Variants in ASB8 observed in about 807,000 individuals in gnomAD.
The protein encoded by ASB8 is ankyrin repeat and SOCS box protein 8.
Under a neutral mutation model 22.9 loss-of-function variants are expected in ASB8, and 15 were observed. That is an observed-to-expected ratio of 0.66 (90% CI 0.44 to 1.01). The LOEUF is 1.01. ASB8 is among the 50% of genes least tolerant of loss of function. ASB8 has a pLI of 0.00. For missense variants in ASB8, 294 were observed against 356.9 expected, an observed-to-expected ratio of 0.82 and a Z score of 1.42; for synonymous variants, 124 against 140.8, an observed-to-expected ratio of 0.88 and a Z score of 0.84.
intron 2 of ASB8, 186 bp downstream of exon 2, chr12:48,153,182 T>C: frequency 1.6e-6 from 1 of 629,838 alleles, no homozygotes; most frequent in Non-Finnish European, 2.7e-6. Flanking sequence ...ATACACAAAG[T>C]GAAAGGGAGA....
intron 1 of ASB8, chr12:48,157,090 C>G (rs1951318554): frequency 6.6e-6 from 1 of 152,160 alleles, no homozygotes; most frequent in Non-Finnish European, 1.5e-5. Context: ...GAACCTTGGC[C>G]GAGCCTGCAG....
At chr12:48,153,830 G>A (rs1285910145) in intron 1 of ASB8, 5 of 194,720 alleles carry the variant, frequency 2.6e-5, no homozygotes, top group Non-Finnish European at 5.3e-5. Context: ...AAAGGCTGAA[G>A]AGGTCAAAAA....
intron 2 of ASB8, among the ~76,000 whole-genome samples, chr12:48,152,256 G>A (rs949119801): frequency 2.0e-5 from 3 of 152,162 alleles, no homozygotes; most frequent in East Asian, 1.9e-4. Context: ...TTTCTACCGC[G>A]GAGTCTCCTG....
Position 48,149,258 on chromosome 12 carries a change from T to C in ASB8, c.*108A>G. 2 of 1,251,740 alleles carry C rather than the reference T, an allele frequency of 1.6e-6. No homozygotes were observed. Among genetic ancestry groups the C allele is most frequent in the Non-Finnish European group, 2.2e-6 (2 of 912,456 alleles). The allele number at this position is 1,251,740 out of a possible 1,614,324, so 77.5% of individuals were successfully genotyped here. A position where few individuals can be genotyped will look rare whatever the true frequency, so the allele number is the denominator to read the frequency against. On this transcript the variant is annotated 3_prime_UTR_variant, in exon 4 of 4. Coordinates refer to ENST00000317697, the MANE Select transcript of ASB8 (RefSeq NM_024095.5). ...TTGTGACATGTTGCTTCGAAATCTATAAACCACACAACAGGAACAACTGTT... is the reference window on the plus strand; with the variant it reads ...TTGTGACATGTTGCTTCGAAATCTACAAACCACACAACAGGAACAACTGTT...
intron 2 of ASB8, chr12:48,151,804 CCT>C: frequency 2.4e-6 from 1 of 411,928 alleles, no homozygotes; most frequent in South Asian, 1.9e-5. Flanking sequence ...TTCAAAGTAG[CCT>C]CTTAGTATCA....
At chr12:48,157,438 C>T (rs1378417850) in intron 1 of ASB8, 21 bp downstream of exon 1, 4 of 152,254 alleles carry the variant, frequency 2.6e-5, no homozygotes, top group African/African-American at 9.7e-5. Context: ...GCTGTAGACC[C>T]ACTCCAAGGA....
chr12:48,153,667 T>A, intron 1 of ASB8, 138 bp from the exon 2 acceptor site: 1 of 632,608 alleles, frequency 1.6e-6, no homozygotes, highest in East Asian at 3.3e-5. Flanking sequence ...TCATAAGGAA[T>A]TGGATTATAA....
In ASB8 at chr12:48,148,923, C is replaced by T. The variant is rs1209587828; in HGVS notation, c.*443G>A. 5.9e-6 allele frequency: 1 copy of T among 169,426 alleles called. No homozygotes were observed. The highest frequency in any genetic ancestry group is 1.7e-4 in the East Asian group (1 of 5,954). 10.5% of individuals were successfully genotyped at this position (169,426 alleles called of 1,614,324 possible). On this transcript the variant is annotated 3_prime_UTR_variant, in exon 4 of 4. Coordinates refer to ENST00000317697, the MANE Select transcript of ASB8 (RefSeq NM_024095.5). ...AGGTGATCCACCTGCCTCAGCCTCC[C>T]AAAGTCCTGGGATTACAGACGTGAG...
chr12:48,155,740 A>T (rs199990401), intron 1 of ASB8, among the ~76,000 whole-genome samples: 24,944 of 109,022 alleles, frequency 0.23, 3,394 homozygotes, highest in African/African-American at 0.4. Context: ...AAAAAAAAAA[A>T]AAATATATAT....
intron 2 of ASB8, 58 bp downstream of exon 2, chr12:48,153,310 T>C (rs1436757466): frequency 8.8e-6 from 14 of 1,586,950 alleles, no homozygotes; most frequent in Non-Finnish European, 1.7e-6. Context: ...CTGTGATCCA[T>C]GAGGATTTTG....
Position 48,149,864 on chromosome 12 carries a change from G to A in ASB8, c.369C>T (p.His123=), listed in dbSNP as rs762140133. ...ALDGNRDTPL[H]WAAFKNNAEC... ...CAGCATTGTTCTTAAAGGCTGCCCA[G>A]TGAAGTGGGGTATCTCTGTTGCCAT... Residue 123 remains histidine (H), a synonymous_variant, in exon 4 of 4, where the codon CAC becomes CAT. Transcript: ENST00000317697. 1.9e-6 allele frequency: 3 copies of A among 1,614,222 alleles called. No homozygotes were observed. The highest frequency in any genetic ancestry group is 2.2e-5 in the South Asian group (2 of 91,080).
intron 2 of ASB8, among the ~76,000 whole-genome samples, chr12:48,152,020 C>T (rs1438257769): frequency 6.6e-6 from 1 of 152,044 alleles, no homozygotes; most frequent in Non-Finnish European, 1.5e-5. Context: ...GGTGTGGTGG[C>T]GGGCATCTGT....
At chr12:48,154,948 TAAATA>T (rs963199750) in intron 1 of ASB8, among the ~76,000 whole-genome samples, 4 of 152,016 alleles carry the variant, frequency 2.6e-5, no homozygotes, top group African/African-American at 7.2e-5. Context: ...CTCAAAAAAA[TAAATA>T]AAATGAGTGA....
intron 1 of ASB8, among the ~76,000 whole-genome samples, chr12:48,155,869 AG>A (rs1315796578): frequency 1.3e-5 from 2 of 149,038 alleles, no homozygotes; most frequent in Non-Finnish European, 3.0e-5. Flanking sequence ...TCAGCCTCCC[AG>A]GCTCAAGCAA....
At chr12:48,152,400 C>A (rs1426664508) in intron 2 of ASB8, among the ~76,000 whole-genome samples, 1 of 152,184 alleles carries the variant, frequency 6.6e-6, no homozygotes, top group Non-Finnish European at 1.5e-5. Context: ...ACACAAGTAA[C>A]CATCTGGATG....
rs567479244 is a variant in ASB8 at position 48,147,798 on chromosome 12, G to C, written c.*1568C>G. 1.8e-4 allele frequency: 27 copies of C among 152,246 alleles called. No homozygotes were observed. The highest frequency in any genetic ancestry group is 9.8e-4 in the Admixed American group (15 of 15,286). 9.4% of individuals were successfully genotyped at this position (152,246 alleles called of 1,614,324 possible). On this transcript the variant is annotated 3_prime_UTR_variant, in exon 4 of 4. Transcript: ENST00000317697. The stretch of plus-strand genomic sequence containing the variant: ...GTAGAAATTGCCAAACTTGCTTTTA[G>C]AACTATTTATTCTTTTTTTTTAAGT...
chr12:48,156,122 T>C (rs1565931026), intron 1 of ASB8, among the ~76,000 whole-genome samples: 1 of 152,154 alleles, frequency 6.6e-6, no homozygotes, highest in East Asian at 1.9e-4. Context: ...TATTATATAC[T>C]ATAAATTCTG....
chr12:48,149,318 C>T lies in ASB8; in HGVS notation c.*48G>A. On this transcript the variant is annotated 3_prime_UTR_variant, in exon 4 of 4. Transcript: ENST00000317697. ...TCTGTGACAAGGAGTACTGCAGGGA[C>T]AACCTCACCCAGAGCTGCCTGCACG... The T allele has an allele frequency of 6.4e-7, 1 of 1,553,716 alleles. No homozygotes were observed. The highest frequency in any genetic ancestry group is 1.4e-5 in the African/African-American group (1 of 73,330).
At chr12:48,155,488 G>A (rs1344202783) in intron 1 of ASB8, among the ~76,000 whole-genome samples, 2 of 151,984 alleles carry the variant, frequency 1.3e-5, no homozygotes, top group Non-Finnish European at 2.9e-5. Context: ...TTGGGAGGCC[G>A]AGATGGGCGG....
Sources: allele counts gnomAD v4.1 joint callset (sites outside exome capture counted in the v4.1 genomes callset), GRCh38; gene constraint gnomAD v4.1.1; transcripts MANE v1.5; gene names NCBI Gene and HGNC (gene_info 2026-07-23, HGNC 2026-07-21).